Variants in RNASEL observed in about 807,000 individuals in gnomAD.
RNASEL encodes the protein ribonuclease L, also known as 2-5A-dependent ribonuclease.
In RNASEL, 36 loss-of-function variants were observed where a neutral mutation model predicts 50.9. The observed-to-expected ratio is 0.71, with a 90% CI of 0.54 to 0.93. The LOEUF (loss-of-function observed/expected upper bound fraction) is 0.93, where lower values mean the gene tolerates loss of function less well. RNASEL is among the 40% of genes least tolerant of loss of function. The pLI, the probability that RNASEL is intolerant of heterozygous loss-of-function variation, is 0.00. For synonymous variants in RNASEL, 335 were observed against 335.6 expected, an observed-to-expected ratio of 1.00 and a Z score of 0.02; for missense variants, 860 against 894.5, an observed-to-expected ratio of 0.96 and a Z score of 0.49.
intron 5 of RNASEL, chr1:182,579,611 A>C: frequency 1.7e-6 from 2 of 1,158,750 alleles, no homozygotes; most frequent in Non-Finnish European, 2.2e-6. Context: ...TAATTGTGTG[A>C]CCATGAAAAT....
intron 2 of RNASEL, 146 bp downstream of exon 2, chr1:182,585,181 G>A: frequency 1.2e-6 from 1 of 830,930 alleles, no homozygotes. Flanking sequence ...ACACTGCACT[G>A]TAATTATGAA....
At chr1:182,589,001 C>G (rs1363845992) in intron 1 of RNASEL, among the ~76,000 whole-genome samples, 166 bp downstream of exon 1, 1 of 152,208 alleles carries the variant, frequency 6.6e-6, no homozygotes, top group Non-Finnish European at 1.5e-5. Flanking sequence ...TGACAGAACT[C>G]TGGAAGGGCA....
At chr1:182,579,757 G>C (rs1661455388) in intron 5 of RNASEL, 2 of 1,167,244 alleles carry the variant, frequency 1.7e-6, no homozygotes, top group Non-Finnish European at 2.2e-6. Flanking sequence ...GGAAATAAAA[G>C]AACAAGTTCC....
rs779737181 is a variant in RNASEL at position 182,581,343 on chromosome 1, A to T, written c.1787T>A (p.Leu596His). The T allele has an allele frequency of 6.2e-7, 1 of 1,614,040 alleles. No homozygotes were observed. The highest frequency in any genetic ancestry group is 8.5e-7 in the Non-Finnish European group (1 of 1,180,016). ...GTCGGATTCATTTCCCACATTCCGA[A>T]GCGTCCTATAGCGGCTGAAGATGAC... ...FWTWESRYRT[L>H]RNVGNESDIK... is the part of the protein sequence containing the mutation. The change falls in exon 5 of 7, where the codon CTT becomes CAT. Residue 596 changes from leucine to histidine, a missense_variant. Physicochemically the swap from Leu to His is moderately conservative, Grantham distance 99 (BLOSUM62 -3). Coordinates refer to ENST00000367559, the MANE Select transcript of RNASEL (RefSeq NM_021133.4).
At chr1:182,577,938 A>G (rs1238808338) in intron 5 of RNASEL, among the ~76,000 whole-genome samples, 1 of 152,230 alleles carries the variant, frequency 6.6e-6, no homozygotes, top group Non-Finnish European at 1.5e-5. Context: ...CCATATGTAG[A>G]AGATTAAAAC....
At chr1:182,575,605 A>C (rs376036856) in intron 6 of RNASEL, 27 bp from the exon 7 acceptor site, 6 of 1,613,470 alleles carry the variant, frequency 3.7e-6, no homozygotes, top group Non-Finnish European at 5.1e-6. Context: ...ATTGTTCAGC[A>C]TGCTTGCCCC....
intron 5 of RNASEL, chr1:182,579,848 TA>T: frequency 1.6e-6 from 1 of 633,060 alleles, no homozygotes; most frequent in Non-Finnish European, 2.6e-6. Context: ...CCTCAGTGAG[TA>T]AATGAGTTGG....
intron 5 of RNASEL, 80 bp downstream of exon 5, chr1:182,581,145 T>TAAGATAGAAAAC (rs1661485601): frequency 6.2e-7 from 1 of 1,607,354 alleles, no homozygotes; most frequent in Non-Finnish European, 8.5e-7. Flanking sequence ...TGGTGTAAAA[T>TAAGATAGAAAAC]AAGATAGAAA....
intron 2 of RNASEL, among the ~76,000 whole-genome samples, chr1:182,584,429 T>G (rs1661554633): frequency 6.6e-6 from 1 of 152,286 alleles, no homozygotes; most frequent in Non-Finnish European, 1.5e-5. Context: ...GAGGACAAAT[T>G]TAACCAGCTC....
rs1360491479 is a variant in RNASEL, at chr1:182,575,062, T to C, written c.*330A>G. ...TCTTAAATGGGGATGATAATCCCTG[T>C]TTTGCAAGATCATTGGGAAAATTAA... On this transcript the variant is annotated 3_prime_UTR_variant, in exon 7 of 7. Transcript: ENST00000367559. The C allele has an allele frequency of 1.0e-5, 4 of 388,062 alleles. No individual in the cohort carries two copies. In the East Asian group the frequency reaches 1.3e-4, roughly 13 times the overall value. The allele number at this position is 388,062 out of a possible 1,614,324, so 24.0% of individuals were successfully genotyped here. A position where few individuals can be genotyped will look rare whatever the true frequency, so the allele number is the denominator to read the frequency against.
At chr1:182,588,953 T>G (rs1661650480) in intron 1 of RNASEL, among the ~76,000 whole-genome samples, 1 of 152,156 alleles carries the variant, frequency 6.6e-6, no homozygotes, top group South Asian at 2.1e-4. Flanking sequence ...AAGAGATGCC[T>G]GAGAAACTGA....
At chr1:182,580,498 A>G (rs907662119) in intron 5 of RNASEL, among the ~76,000 whole-genome samples, 2 of 152,250 alleles carry the variant, frequency 1.3e-5, no homozygotes, top group African/African-American at 4.8e-5. Context: ...CCCAGCACAC[A>G]TCCCACAGCA....
rs560982680 is a variant in RNASEL at position 182,586,696 on chromosome 1, A to G, written c.111T>C (p.Asp37=). ...HLLIKAVQNE[D]VDLVQQLLEG... ...CCAGCAATTGCTGGACCAGGTCAAC[A>G]TCTTCGTTTTGAACAGCTTTAATCA... Residue 37 remains aspartate, a synonymous_variant, in exon 2 of 7, where the codon GAT becomes GAC. Transcript: ENST00000367559. 1.2e-6 allele frequency: 2 copies of G among 1,614,200 alleles called. No homozygotes were observed. Among genetic ancestry groups the G allele is most frequent in the East Asian group, 2.2e-5 (1 of 44,892 alleles).
At chr1:182,577,602 C>A (rs1184528412) in intron 5 of RNASEL, among the ~76,000 whole-genome samples, 1 of 151,984 alleles carries the variant, frequency 6.6e-6, no homozygotes, top group Non-Finnish European at 1.5e-5. Flanking sequence ...AAAATACCAA[C>A]ATCATTTTTC....
intron 3 of RNASEL, among the ~76,000 whole-genome samples, chr1:182,582,779 C>A (rs1196950622): frequency 6.6e-6 from 1 of 152,174 alleles, no homozygotes; most frequent in African/African-American, 2.4e-5. Context: ...AAGGAGGGAG[C>A]TGAAATCTGA....
Position 182,582,141 on chromosome 1 carries a change from G to A in RNASEL, c.1684C>T (p.Leu562Phe). Residue 562 changes from leucine to phenylalanine, a missense_variant, in exon 4 of 7, where the codon CTC becomes TTC. Coordinates refer to ENST00000367559, the MANE Select transcript of RNASEL (RefSeq NM_021133.4). ...QLSPDEETKD[L>F]IHRLFHPGEH... is the part of the protein sequence containing the mutation. ...CCAGGATGGAAGAGACGATGAATGA[G>A]GTCCTTAGTTTCCTCATCTGGAGAA... The A allele has an allele frequency of 6.2e-7, 1 of 1,614,208 alleles. No homozygotes were observed. Among genetic ancestry groups the A allele is most frequent in the Non-Finnish European group, 8.5e-7 (1 of 1,180,026 alleles).
rs1450798181 is a variant in RNASEL, at chr1:182,585,481, T to A, written c.1326A>T (p.Glu442Asp). Residue 442 changes from glutamate (E) to aspartate (D), a missense_variant, in exon 2 of 7, where the codon GAA (glutamate) becomes GAT (aspartate). Glu to Asp is a conservative substitution (Grantham distance 45). Coordinates refer to ENST00000367559, the MANE Select transcript of RNASEL (RefSeq NM_021133.4). ...VCVTLCEQTL[E>D]ACLDVHRGED... The stretch of plus-strand genomic sequence containing the variant: ...CCCCTCTGTGCACATCCAAACACGC[T>A]TCCAGAGTCTGCTCACAGAGGGTGA... The A allele has an allele frequency of 6.2e-7, 1 of 1,614,182 alleles. No individual in the cohort carries two copies. Among genetic ancestry groups the A allele is most frequent in the Non-Finnish European group, 8.5e-7 (1 of 1,180,036 alleles).
intron 5 of RNASEL, among the ~76,000 whole-genome samples, chr1:182,577,721 T>C (rs933207852): frequency 2.0e-5 from 3 of 152,130 alleles, no homozygotes; most frequent in Non-Finnish European, 4.4e-5. Context: ...CACATTATGA[T>C]ATACCTCCAA....
rs1661358783 is a variant in RNASEL, at chr1:182,575,374, C to A, written c.*18G>T. 2 of 1,613,062 alleles carry A rather than the reference C, an allele frequency of 1.2e-6. No individual in the cohort carries two copies. The highest frequency in any genetic ancestry group is 1.7e-6 in the Non-Finnish European group (2 of 1,179,372). ...TACAGCTAATAAGTAGTTCCCTGAA[C>A]TCCAGCAAATCAGTCCATCAGCACC... is the stretch of plus-strand genomic sequence containing the variant. On this transcript the variant is annotated 3_prime_UTR_variant, in exon 7 of 7. Coordinates refer to ENST00000367559, the MANE Select transcript of RNASEL (RefSeq NM_021133.4).
Sources: allele counts gnomAD v4.1 joint callset (sites outside exome capture counted in the v4.1 genomes callset), GRCh38; gene constraint gnomAD v4.1.1; transcripts MANE v1.5; gene names NCBI Gene and HGNC (gene_info 2026-07-23, HGNC 2026-07-21).